The following PIGN variants were observed in gnomAD, a reference collection of about 807,000 sequenced individuals.
PIGN encodes GPI ethanolamine phosphate transferase 1.
In PIGN, 117 loss-of-function variants were observed where a neutral mutation model predicts 125.4. The observed-to-expected ratio is 0.93, with a 90% CI of 0.80 to 1.09. PIGN has a LOEUF of 1.09. Ranked by LOEUF, PIGN falls within the 50% of genes least tolerant of loss-of-function variation. The probability of loss-of-function intolerance (pLI) is 0.00; values close to 1 mark genes in which losing one functional copy is unlikely to be tolerated. For missense variants in PIGN, 1,075 were observed against 1,094.9 expected (o/e 0.98, Z 0.26); for synonymous variants, 392 against 377.8 (o/e 1.04, Z -0.44).
rs779072151 is a variant in PIGN at position 62,113,281 on chromosome 18, C to T, written c.1287G>A (p.Leu429=). The change falls in exon 16 of 31, where the codon TTG becomes TTA. Residue 429 remains leucine, a synonymous_variant. Coordinates refer to ENST00000640252, the MANE Select transcript of PIGN (RefSeq NM_176787.5). ...SLCKELIHLA[L]KGLSYYHTYD... is the part of the protein sequence containing the mutation. ...ATGTGTGATAATAGGACAATCCTTT[C>T]AATGCAAGATGAATTAGCTCCTTGC... The T allele has an allele frequency of 6.2e-7, 1 of 1,611,552 alleles. No individual in the cohort carries two copies. Among genetic ancestry groups the T allele is most frequent in the Non-Finnish European group, 8.5e-7 (1 of 1,178,804 alleles).
In PIGN at chr18:62,045,385, CCTGA is replaced by C. The variant is rs781212202; in HGVS notation, c.*467_*470del. ...TATTGAAGCTCTTGAAATAATACAC[CCTGA>C]CTGTCTAACAAAACCAGTGCTGAAA... On this transcript the variant is annotated 3_prime_UTR_variant, in exon 31 of 31. Transcript: ENST00000640252. 1 of 152,546 alleles carries C rather than the reference CCTGA, an allele frequency of 6.6e-6. No homozygotes were observed. The highest frequency in any genetic ancestry group is 6.5e-5 in the Admixed American group (1 of 15,328). 9.4% of individuals were successfully genotyped at this position (152,546 alleles called of 1,614,324 possible).
chr18:62,062,562 T>C (rs1599426615), intron 30 of PIGN, among the ~76,000 whole-genome samples: 1 of 148,046 alleles, frequency 6.8e-6, no homozygotes, highest in Admixed American at 7.1e-5. Flanking sequence ...GTAATGATTA[T>C]AGCAGGCCAC....
rs1482814558 is a variant in PIGN, at chr18:62,157,764, C to T, written c.266G>A (p.Arg89His). 13 of 1,612,246 alleles carry T rather than the reference C, an allele frequency of 8.1e-6. No homozygotes were observed. The highest frequency in any genetic ancestry group is 9.3e-6 in the Non-Finnish European group (11 of 1,178,894). The change falls in exon 5 of 31, where the codon CGT becomes CAT. Residue 89 changes from arginine (R) to histidine (H), a missense_variant. Around this residue, in one of 3 missense-constraint regions of PIGN, gnomAD observed 152 missense variants for 162.9 expected, o/e 0.93. Coordinates refer to ENST00000640252, the MANE Select transcript of PIGN (RefSeq NM_176787.5). ...ACCTGGCCGAGATTCTGTTGGCACACGTGTATGAGATATGCCCCAGCTGCC... is the reference window on the plus strand; with the variant it reads ...ACCTGGCCGAGATTCTGTTGGCACATGTGTATGAGATATGCCCCAGCTGCC... ...HEGSWGISHT[R>H]VPTESRPGHV...
At chr18:62,186,072 A>G (rs2037972035) in intron 1 of PIGN, among the ~76,000 whole-genome samples, 3 of 113,528 alleles carry the variant, frequency 2.6e-5, no homozygotes, top group Admixed American at 1.2e-4. Context: ...TTTTTTTGAG[A>G]CGGAGTCTCG....
At chr18:62,125,067 T>A (rs1278657233) in intron 14 of PIGN, among the ~76,000 whole-genome samples, 1 of 143,980 alleles carries the variant, frequency 6.9e-6, no homozygotes, top group Non-Finnish European at 1.5e-5. Flanking sequence ...TACATGTATA[T>A]AAATATACAT....
At chr18:62,080,543 T>A (rs2033400320) in intron 28 of PIGN, among the ~76,000 whole-genome samples, 1 of 152,194 alleles carries the variant, frequency 6.6e-6, no homozygotes, top group Non-Finnish European at 1.5e-5. Flanking sequence ...GGAAAGACAC[T>A]GCTACCCTGA....
At chr18:62,031,815 A>C (rs2144890387) in intron 23 of PIGN, among the ~76,000 whole-genome samples, 1 of 152,318 alleles carries the variant, frequency 6.6e-6, no homozygotes, top group African/African-American at 2.4e-5. Flanking sequence ...TACCTCCCCA[A>C]GTGTACTCAT....
At chr18:62,065,326 G>C (rs1266718503) in intron 30 of PIGN, among the ~76,000 whole-genome samples, 1 of 152,160 alleles carries the variant, frequency 6.6e-6, no homozygotes, top group Non-Finnish European at 1.5e-5. Flanking sequence ...AAGACTGAAG[G>C]TGACAGAAAC....
chr18:62,143,947 C>A (rs2036227588), intron 10 of PIGN, among the ~76,000 whole-genome samples: 1 of 152,026 alleles, frequency 6.6e-6, no homozygotes, highest in African/African-American at 2.4e-5. Context: ...TTATGAGAGA[C>A]CGTCTTGATT....
intron 28 of PIGN, among the ~76,000 whole-genome samples, chr18:62,077,868 C>T (rs1423814086): frequency 6.6e-6 from 1 of 152,158 alleles, no homozygotes; most frequent in African/African-American, 2.4e-5. Context: ...AGTCCAAGAT[C>T]GTGTGTGAGC....
intron 28 of PIGN, among the ~76,000 whole-genome samples, chr18:62,076,723 TAA>T (rs1338533277): frequency 6.6e-6 from 1 of 152,194 alleles, no homozygotes. Context: ...AGGTTTGAAA[TAA>T]AGACATGTAA....
At chr18:62,064,406 T>C (rs1233815134) in intron 30 of PIGN, among the ~76,000 whole-genome samples, 1 of 152,234 alleles carries the variant, frequency 6.6e-6, no homozygotes, top group Non-Finnish European at 1.5e-5. Flanking sequence ...TCACCAAGTC[T>C]TAAGGCTGGC....
intron 1 of PIGN, chr18:62,174,340 C>G (rs1568259093): frequency 1.3e-5 from 2 of 152,102 alleles, no homozygotes. Flanking sequence ...ATTATATGAT[C>G]TTTTAGACAC....
At chr18:62,098,625 T>C (rs1247849535) in intron 22 of PIGN, among the ~76,000 whole-genome samples, 1 of 152,166 alleles carries the variant, frequency 6.6e-6, no homozygotes, top group Non-Finnish European at 1.5e-5. Flanking sequence ...GATCATAGCA[T>C]ATTAAGCAAA....
At chr18:62,118,396 T>C (rs1045937053) in intron 14 of PIGN, among the ~76,000 whole-genome samples, 8 of 151,474 alleles carry the variant, frequency 5.3e-5, no homozygotes, top group Non-Finnish European at 1.0e-4. Flanking sequence ...ATAAAATAAA[T>C]TTGAAGGTAC....
chr18:62,074,660 C>T (rs2033075172), intron 29 of PIGN, 119 bp downstream of exon 29: 2 of 596,634 alleles, frequency 3.4e-6, no homozygotes, highest in Non-Finnish European at 6.0e-6. Flanking sequence ...TAAATTATGC[C>T]AGCACTTACA....
At chr18:62,145,483 T>A (rs556959703) in intron 10 of PIGN, among the ~76,000 whole-genome samples, 1 of 152,338 alleles carries the variant, frequency 6.6e-6, no homozygotes, top group South Asian at 2.1e-4. Flanking sequence ...TTTTATCTAA[T>A]AGAAATATCT....
intron 30 of PIGN, chr18:62,070,304 G>T: frequency 2.5e-6 from 1 of 396,662 alleles, no homozygotes; most frequent in South Asian, 1.4e-4. Context: ...GGAAGCAGAA[G>T]GGGATATCTA....
intron 14 of PIGN, among the ~76,000 whole-genome samples, chr18:62,120,011 G>A (rs1481144050): frequency 6.6e-6 from 1 of 152,172 alleles, no homozygotes. Flanking sequence ...CAGAGAGGGA[G>A]AGATGGAATA....
Sources: allele counts gnomAD v4.1 joint callset (sites outside exome capture counted in the v4.1 genomes callset), GRCh38; gene constraint gnomAD v4.1.1; regional missense constraint gnomAD v4.1.1; transcripts MANE v1.5; gene names NCBI Gene and HGNC (gene_info 2026-07-23, HGNC 2026-07-21).